PRAG1: variants seen among roughly 807,000 people sequenced by gnomAD.
The protein encoded by PRAG1 is PEAK1 related, kinase-activating pseudokinase 1.
Under a neutral mutation model 95.6 loss-of-function variants are expected in PRAG1, and 110 were observed. The observed-to-expected ratio is 1.15, with a 90% CI of 0.99 to 1.35. The LOEUF (loss-of-function observed/expected upper bound fraction) is 1.35. Ranked by LOEUF, PRAG1 falls within the 40% of genes most tolerant of loss-of-function variation. The pLI, the probability that PRAG1 is intolerant of heterozygous loss-of-function variation, is 0.00. For missense variants in PRAG1, 2,554 were observed against 1,864.7 expected, an observed-to-expected ratio of 1.37 and a Z score of -6.81; for synonymous variants, 1,052 against 819.4, an observed-to-expected ratio of 1.28 and a Z score of -4.85.
At chr8:8,370,363 G>C (rs1025568827) in intron 3 of PRAG1, among the ~76,000 whole-genome samples, 4 of 152,160 alleles carry the variant, frequency 2.6e-5, no homozygotes, top group African/African-American at 7.2e-5. Context: ...TGTATCTGTG[G>C]GGGCCACTGA....
At chr8:8,328,862 T>C (rs1207425767) in intron 4 of PRAG1, among the ~76,000 whole-genome samples, 1 of 152,230 alleles carries the variant, frequency 6.6e-6, no homozygotes, top group Non-Finnish European at 1.5e-5. Flanking sequence ...TTTCACATCT[T>C]GGAGAGATTT....
intron 3 of PRAG1, among the ~76,000 whole-genome samples, chr8:8,360,011 C>T (rs535917154): frequency 2.2e-4 from 33 of 152,118 alleles, no homozygotes; most frequent in East Asian, 3.9e-4. Flanking sequence ...CTCTGAGGAA[C>T]GAGCTAAATC....
rs1314830862 is a variant in PRAG1 at position 8,318,431 on chromosome 8, C to T, written c.3944G>A (p.Arg1315His). ...HLLLEADPIK[R>H]IRIGEAKRVL... ...GCGCTTGGCCTCGCCGATGCGGATA[C>T]GCTTGATGGGGTCGGCCTCCAGTAG... The change falls in exon 6 of 6, where the codon CGT (arginine) becomes CAT (histidine). Residue 1315 changes from arginine (R) to histidine (H), a missense_variant. By Grantham distance (29) the Arg-to-His change is conservative. Coordinates refer to ENST00000615670, the MANE Select transcript of PRAG1 (RefSeq NM_001080826.3). This position sits in a 1 kb window ranked among gnomAD's most constrained non-coding sequence, Gnocchi z 4.2. 6.2e-7 allele frequency: 1 copy of T among 1,612,784 alleles called. No homozygotes were observed. Among genetic ancestry groups the T allele is most frequent in the Non-Finnish European group, 8.5e-7 (1 of 1,179,802 alleles).
At position 8,318,622 on chromosome 8, in the gene PRAG1, C is replaced by T. The variant is rs760094346; in HGVS notation, c.3753G>A (p.Lys1251=). 1.2e-6 allele frequency: 2 copies of T among 1,612,876 alleles called. No homozygotes were observed. Residue 1251 remains lysine, a synonymous_variant, in exon 6 of 6, where the codon AAG becomes AAA. Transcript: ENST00000615670. This position sits in a 1 kb window ranked among gnomAD's most constrained non-coding sequence, Gnocchi z 4.2. ...PEIVSASQYR[K]FDEFQTGILI... ...GGATGCCTGTCTGGAACTCATCGAA[C>T]TTGCGGTACTGGGAAGCAGACACGA...
In PRAG1 at chr8:8,318,889, G is replaced by A. The variant is rs762219463; in HGVS notation, c.3486C>T (p.Pro1162=). 4.2e-6 allele frequency: 6 copies of A among 1,442,586 alleles called. No homozygotes were observed. Among genetic ancestry groups the A allele is most frequent in the Admixed American group, 2.2e-5 (1 of 44,980 alleles). The allele number at this position is 1,442,586 out of a possible 1,614,324, so 89.4% of individuals were successfully genotyped here. A position where few individuals can be genotyped will look rare whatever the true frequency, so the allele number is the denominator to read the frequency against. ...LLVHCTLQAG[P]GPAPAPAPAP... ...CCGGGGCGGGGGCGGGGGCGGGCCC[G>A]GGGCCGGCCTGGAGGGTGCAGTGCA... Residue 1162 remains proline (P), a synonymous_variant, in exon 6 of 6, where the codon CCC becomes CCT. Coordinates refer to ENST00000615670, the MANE Select transcript of PRAG1 (RefSeq NM_001080826.3). This position sits in a 1 kb window ranked among gnomAD's most constrained non-coding sequence, Gnocchi z 4.2.
chr8:8,383,797 T>C (rs1800760711), intron 1 of PRAG1, among the ~76,000 whole-genome samples: 1 of 152,164 alleles, frequency 6.6e-6, no homozygotes, highest in South Asian at 2.1e-4. Flanking sequence ...TCACTGGGCT[T>C]CAACAAGCGG....
chr8:8,371,784 C>T (rs1800215903), intron 3 of PRAG1, among the ~76,000 whole-genome samples: 1 of 152,118 alleles, frequency 6.6e-6, no homozygotes, highest in African/African-American at 2.4e-5. Context: ...GTGAGAGGAT[C>T]ACCTGAGTCT....
chr8:8,355,077 G>T (rs529519737), intron 3 of PRAG1, among the ~76,000 whole-genome samples: 1 of 124,624 alleles, frequency 8.0e-6, no homozygotes, highest in South Asian at 2.7e-4. Flanking sequence ...AAAGTTGCAG[G>T]ATAGAAGATC....
chr8:8,362,529 A>G (rs772530101), intron 3 of PRAG1, among the ~76,000 whole-genome samples: 3 of 152,210 alleles, frequency 2.0e-5, no homozygotes, highest in Non-Finnish European at 2.9e-5. Context: ...GGCCACTGCA[A>G]CAAGGCAGTG....
chr8:8,366,574 A>G (rs1309758528), intron 3 of PRAG1, among the ~76,000 whole-genome samples: 3 of 151,650 alleles, frequency 2.0e-5, no homozygotes, highest in African/African-American at 7.3e-5. Context: ...TCTGCCTTCT[A>G]AAGTGCTGGG....
rs57329300 is a variant in PRAG1, at chr8:8,345,046, GGTGTGTGTGTGTGTGTGT to G, written c.2163-5429_2163-5412del. Among the ~76,000 whole-genome samples the G allele has an allele frequency of 8.2e-5, 11 of 134,050 alleles. No homozygotes were observed. The South Asian group carries it at 1.5e-3, about 18-fold the overall frequency. The allele number at this position is 134,050 out of a possible 152,430, so 87.9% of individuals were successfully genotyped here. On this transcript the variant is annotated intron_variant, in intron 3 of 5. Transcript: ENST00000615670. ...TGATTACAGGATAAATTATCCGCAG[GGTGTGTGTGTGTGTGTGT>G]GTGTGTGTGTGTGTGTGTGTGTGTG...
rs1800421186 is a variant in PRAG1 at position 8,376,849 on chromosome 8, C to A, written c.1560G>T (p.Gly520=). 6.2e-7 allele frequency: 1 copy of A among 1,612,952 alleles called. No homozygotes were observed. The highest frequency in any genetic ancestry group is 8.5e-7 in the Non-Finnish European group (1 of 1,179,996). ...SEVGEEETSA[G]QGLSSRESHA... The stretch of plus-strand genomic sequence containing the variant: ...GGCTTTCCCTGGAGCTCAGCCCCTG[C>A]CCAGCCGAAGTCTCCTCTTCACCTA... The change falls in exon 3 of 6, where the codon GGG becomes GGT. Residue 520 remains glycine, a synonymous_variant. Transcript: ENST00000615670.
At chr8:8,344,194 G>A (rs975754395) in intron 3 of PRAG1, among the ~76,000 whole-genome samples, 5 of 152,068 alleles carry the variant, frequency 3.3e-5, no homozygotes, top group Non-Finnish European at 5.9e-5. Flanking sequence ...TGTTCACAAC[G>A]TTACAAATAG....
Position 8,319,251 on chromosome 8 carries a change from GC to G in PRAG1, c.3123del (p.Val1043CysfsTer94). Reference protein sequence around the residue: ...PKTVSYCSPSVPVHFNIQQDC... With the variant: ...PKTVSYCSPSXPVHFNIQQDC... ...TCCTGCTGGATGTTAAAGTGCACGG[GC>G]ACGGACGGGCTGCAGTAGGAGACTG... On this transcript the variant is annotated frameshift_variant, in exon 6 of 6. Coordinates refer to ENST00000615670, the MANE Select transcript of PRAG1 (RefSeq NM_001080826.3). LOFTEE classifies it high-confidence loss of function. The G allele has an allele frequency of 6.5e-7, 1 of 1,541,268 alleles. No individual in the cohort carries two copies. The highest frequency in any genetic ancestry group is 8.8e-7 in the Non-Finnish European group (1 of 1,137,822).
Position 8,319,138 on chromosome 8 carries a change from G to A in PRAG1, c.3237C>T (p.His1079=), listed in dbSNP as rs2011560. 3.7e-6 allele frequency: 6 copies of A among 1,605,660 alleles called. No individual in the cohort carries two copies. In the Admixed American group the frequency reaches 8.4e-5, roughly 22 times the overall value. The part of the protein sequence containing the change: ...PKDPVPALPT[H]PPAQEQDCVV... ...CGCAGTCCTGCTCCTGGGCAGGGGG[G>A]TGTGTGGGCAGGGCAGGCACAGGGT... The change falls in exon 6 of 6, where the codon CAC becomes CAT. Residue 1079 remains histidine, a synonymous_variant. Coordinates refer to ENST00000615670, the MANE Select transcript of PRAG1 (RefSeq NM_001080826.3).
At chr8:8,351,653 A>G (rs764529240) in intron 3 of PRAG1, among the ~76,000 whole-genome samples, 1 of 152,222 alleles carries the variant, frequency 6.6e-6, no homozygotes, top group Non-Finnish European at 1.5e-5. Flanking sequence ...GATAATTTAT[A>G]GTATAGCCCC....
At chr8:8,337,728 C>T (rs887728581) in intron 4 of PRAG1, among the ~76,000 whole-genome samples, 11 of 152,168 alleles carry the variant, frequency 7.2e-5, no homozygotes, top group African/African-American at 2.2e-4. Flanking sequence ...CATTTTAATT[C>T]ATGTTATTCA....
At chr8:8,354,390 A>T (rs541049142) in intron 3 of PRAG1, among the ~76,000 whole-genome samples, 18 of 152,240 alleles carry the variant, frequency 1.2e-4, no homozygotes, top group South Asian at 6.2e-4. Flanking sequence ...CAAAAAAAAA[A>T]AATAATAATA....
In PRAG1 at chr8:8,367,831, C is replaced by T. The variant is rs191616506; in HGVS notation, c.2162+8416G>A. ...TAATTTTTTGTATTTTTAGTAGAGA[C>T]GGGGTTTCACCACGTTAGCCAGGAT... On this transcript the variant is annotated intron_variant, in intron 3 of 5. Transcript: ENST00000615670. Among the ~76,000 whole-genome samples, 810 of 152,092 alleles carry T rather than the reference C, an allele frequency of 5.3e-3. 6 individuals carry two copies. Among genetic ancestry groups the T allele is most frequent in the African/African-American group, 0.018 (767 of 41,486 alleles).
Sources: gnomAD v4.1 joint callset for allele counts (sites outside exome capture counted in the v4.1 genomes callset) on GRCh38, gnomAD v4.1.1 for gene constraint, Gnocchi (gnomAD v3.1) non-coding constraint, MANE v1.5 for transcripts, NCBI Gene and HGNC (gene_info 2026-07-23, HGNC 2026-07-21) for gene names.